MAML3: variants seen among roughly 807,000 people sequenced by gnomAD.
MAML3 encodes the protein mastermind like transcriptional coactivator 3, also known as mastermind-like protein 3.
A neutral mutation model predicts 101.9 loss-of-function variants in MAML3; 27 were observed. The ratio of observed to expected loss-of-function variants is 0.27; its 90% CI spans 0.20 to 0.37. The LOEUF (loss-of-function observed/expected upper bound fraction) is 0.37, where lower values mean the gene tolerates loss of function less well. Ranked by LOEUF, MAML3 falls within the 10% of genes least tolerant of loss-of-function variation. The pLI, the probability that MAML3 is intolerant of heterozygous loss-of-function variation, is 1.00. For missense variants in MAML3, 1,316 were observed against 1,444.9 expected (o/e 0.91, Z 1.45); for synonymous variants, 501 against 555.9 (o/e 0.90, Z 1.39).
At chr4:140,092,109 T>C (rs1298373916) in intron 1 of MAML3, among the ~76,000 whole-genome samples, 1 of 113,446 alleles carries the variant, frequency 8.8e-6, no homozygotes. Flanking sequence ...TATACGTATA[T>C]ATATATATAC....
At chr4:140,090,179 G>A (rs1052220903) in intron 1 of MAML3, among the ~76,000 whole-genome samples, 4 of 152,122 alleles carry the variant, frequency 2.6e-5, no homozygotes, top group East Asian at 1.9e-4. Context: ...GTGTTTTTAC[G>A]GTGGTGGTGG....
intron 1 of MAML3, among the ~76,000 whole-genome samples, chr4:139,988,326 CAAAAAAAAA>C (rs764018702): frequency 4.8e-4 from 39 of 81,928 alleles, no homozygotes; most frequent in South Asian, 4.3e-3. Context: ...GACTCCGTCT[CAAAAAAAAA>C]AAAAAAAAAA....
chr4:139,946,482 A>G (rs1340218040), intron 1 of MAML3, among the ~76,000 whole-genome samples: 1 of 152,190 alleles, frequency 6.6e-6, no homozygotes. Context: ...GTATGTACAA[A>G]CGCACAAAGG....
chr4:139,937,290 T>A (rs1733525610), intron 1 of MAML3, among the ~76,000 whole-genome samples: 1 of 152,146 alleles, frequency 6.6e-6, no homozygotes, highest in African/African-American at 2.4e-5. Flanking sequence ...ATAGATTCAA[T>A]GCACAACAAC....
intron 2 of MAML3, among the ~76,000 whole-genome samples, chr4:139,834,451 G>A (rs1195141388): frequency 6.6e-6 from 1 of 152,208 alleles, no homozygotes; most frequent in Non-Finnish European, 1.5e-5. Context: ...TCTGTATGTG[G>A]CCTGGGGATC....
chr4:139,942,735 T>C (rs1733631994), intron 1 of MAML3, among the ~76,000 whole-genome samples: 1 of 152,304 alleles, frequency 6.6e-6, no homozygotes, highest in Non-Finnish European at 1.5e-5. Context: ...ATATTTCTTA[T>C]GTGTAAACTA....
At chr4:139,954,584 A>G (rs562659854) in intron 1 of MAML3, among the ~76,000 whole-genome samples, 1 of 152,342 alleles carries the variant, frequency 6.6e-6, no homozygotes, top group East Asian at 1.9e-4. Flanking sequence ...GCTGGAGCCA[A>G]GGCAGCTCAA....
Position 139,730,563 on chromosome 4 carries a change from G to A in MAML3, c.2184C>T (p.Gly728=). The change falls in exon 3 of 5, where the codon GGC becomes GGT. Residue 728 remains glycine, a synonymous_variant. Coordinates refer to ENST00000509479, the MANE Select transcript of MAML3 (RefSeq NM_018717.5). ...MVSGASPAGP[G]FLGSQPQAAI... ...CTGCTTGGGGCTGGCTGCCCAGGAAGCCGGGGCCTGCGGGACTGGCTCCTG... is the reference window on the plus strand; with the variant it reads ...CTGCTTGGGGCTGGCTGCCCAGGAAACCGGGGCCTGCGGGACTGGCTCCTG... The A allele has an allele frequency of 6.3e-7, 1 of 1,594,460 alleles. No homozygotes were observed. Among genetic ancestry groups the A allele is most frequent in the South Asian group, 1.1e-5 (1 of 87,744 alleles).
intron 1 of MAML3, among the ~76,000 whole-genome samples, chr4:139,907,153 A>T (rs1732836044): frequency 6.6e-6 from 1 of 152,354 alleles, no homozygotes; most frequent in Non-Finnish European, 1.5e-5. Flanking sequence ...AAATGTCAGG[A>T]ACTTGAAAAG....
At chr4:140,077,604 A>G (rs1727792135) in intron 1 of MAML3, among the ~76,000 whole-genome samples, 1 of 152,222 alleles carries the variant, frequency 6.6e-6, no homozygotes, top group African/African-American at 2.4e-5. Context: ...TAACTATCTT[A>G]CAGTTGCGGT....
At chr4:139,859,227 A>ATT (rs61061197) in intron 2 of MAML3, among the ~76,000 whole-genome samples, 5,394 of 135,484 alleles carry the variant, frequency 0.04, 278 homozygotes, top group African/African-American at 0.13. Flanking sequence ...GTTCTACTAC[A>ATT]TTTTTTTTTT....
At chr4:139,960,323 G>T (rs1350886496) in intron 1 of MAML3, among the ~76,000 whole-genome samples, 2 of 152,162 alleles carry the variant, frequency 1.3e-5, no homozygotes, top group Non-Finnish European at 2.9e-5. Context: ...TGTTTTAAAA[G>T]ATAATTGGCT....
At chr4:139,947,348 T>G (rs992489694) in intron 1 of MAML3, among the ~76,000 whole-genome samples, 4 of 152,180 alleles carry the variant, frequency 2.6e-5, no homozygotes, top group Admixed American at 6.5e-5. Context: ...TTCCTAAGTC[T>G]TAGTCTTCTA....
At chr4:140,113,873 C>T (rs567740249) in intron 1 of MAML3, among the ~76,000 whole-genome samples, 10 of 152,322 alleles carry the variant, frequency 6.6e-5, no homozygotes, top group African/African-American at 2.4e-4. Context: ...CAATGCTGCT[C>T]TCCAGGCAGG....
intron 2 of MAML3, among the ~76,000 whole-genome samples, chr4:139,858,816 G>A (rs901556041): frequency 6.6e-6 from 1 of 152,150 alleles, no homozygotes. Context: ...AGGATACAAT[G>A]CCTTCAACAC....
intron 2 of MAML3, among the ~76,000 whole-genome samples, chr4:139,883,113 T>C (rs947083450): frequency 6.6e-6 from 1 of 151,924 alleles, no homozygotes; most frequent in Admixed American, 6.6e-5. Flanking sequence ...TGAAGGGTGA[T>C]TGCAAGACTT....
intron 2 of MAML3, among the ~76,000 whole-genome samples, chr4:139,773,055 G>C (rs908627989): frequency 6.6e-6 from 1 of 151,990 alleles, no homozygotes; most frequent in Non-Finnish European, 1.5e-5. Context: ...ATTTTAAAAA[G>C]TCTAAGCATA....
At chr4:140,083,926 A>ACGCG (rs1189282262) in intron 1 of MAML3, among the ~76,000 whole-genome samples, 13 of 145,184 alleles carry the variant, frequency 9.0e-5, no homozygotes, top group African/African-American at 3.4e-4. Context: ...TGAAACACAC[A>ACGCG]CGCGCGCACA....
chr4:139,972,483 A>G (rs1734248996), intron 1 of MAML3, among the ~76,000 whole-genome samples: 1 of 152,180 alleles, frequency 6.6e-6, no homozygotes, highest in South Asian at 2.1e-4. Context: ...GCATCACTCC[A>G]TGTGATCAAC....
Sources: allele counts gnomAD v4.1 joint callset (sites outside exome capture counted in the v4.1 genomes callset), GRCh38; gene constraint gnomAD v4.1.1; transcripts MANE v1.5; gene names NCBI Gene and HGNC (gene_info 2026-07-23, HGNC 2026-07-21).